SDC2: variants seen among roughly 807,000 people sequenced by gnomAD.
SDC2 encodes syndecan 2, also known as syndecan-2.
Under a neutral mutation model 22.2 loss-of-function variants are expected in SDC2, and 13 were observed. That is an observed-to-expected ratio of 0.59 (90% confidence interval 0.38 to 0.93). SDC2 has a LOEUF of 0.93. Among genes scored for constraint, SDC2 ranks in the 40% least tolerant of loss-of-function variants. SDC2 has a pLI of 0.00. For synonymous variants in SDC2, 94 were observed against 92.8 expected, an observed-to-expected ratio of 1.01 and a Z score of -0.07; for missense variants, 235 against 246.8, an observed-to-expected ratio of 0.95 and a Z score of 0.32.
Position 96,494,275 on chromosome 8 carries a change from C to CTT in SDC2, c.4_5insTT (p.Arg2LeufsTer24). On this transcript the variant is annotated frameshift_variant, in exon 1 of 5. Coordinates refer to ENST00000302190, the MANE Select transcript of SDC2 (RefSeq NM_002998.4). LOFTEE classifies it high-confidence loss of function. Reference sequence around the variant, plus strand: ...GAGCAGCCGGTCCCTGGGGAATATGCGGCGCGCGTGGATCCTGCTCACCTT... The same window carrying CTT: ...GAGCAGCCGGTCCCTGGGGAATATGCTTGGCGCGCGTGGATCCTGCTCACCTT... 6.5e-7 allele frequency: 1 copy of CTT among 1,545,218 alleles called. No individual in the cohort carries two copies. The highest frequency in any genetic ancestry group is 1.4e-5 in the African/African-American group (1 of 73,296).
At chr8:96,542,552 G>C (rs985579081) in intron 1 of SDC2, among the ~76,000 whole-genome samples, 1 of 152,010 alleles carries the variant, frequency 6.6e-6, no homozygotes, top group Non-Finnish European at 1.5e-5. Flanking sequence ...TTTTCCAGTG[G>C]TCTCAAAGAA....
chr8:96,524,571 A>C (rs1813548865), intron 1 of SDC2, among the ~76,000 whole-genome samples: 1 of 152,170 alleles, frequency 6.6e-6, no homozygotes, highest in African/African-American at 2.4e-5. Context: ...TTGTTGTTGA[A>C]GGCAGCATGA....
chr8:96,517,601 G>A (rs565329392), intron 1 of SDC2, among the ~76,000 whole-genome samples: 36 of 152,100 alleles, frequency 2.4e-4, no homozygotes, highest in South Asian at 2.1e-4. Flanking sequence ...TTCTTTCCCC[G>A]TTGAATTCTT....
At chr8:96,513,089 A>G (rs1176772606) in intron 1 of SDC2, among the ~76,000 whole-genome samples, 2 of 152,246 alleles carry the variant, frequency 1.3e-5, no homozygotes, top group Admixed American at 6.5e-5. Context: ...AAGCTTTAGA[A>G]GAAAATTCTA....
intron 1 of SDC2, among the ~76,000 whole-genome samples, chr8:96,498,255 T>G (rs1467550156): frequency 6.6e-6 from 1 of 152,156 alleles, no homozygotes; most frequent in East Asian, 1.9e-4. Flanking sequence ...TTCTTGGAGC[T>G]TGCATTCTAG....
At chr8:96,547,421 C>A (rs1813951430) in intron 1 of SDC2, among the ~76,000 whole-genome samples, 1 of 152,152 alleles carries the variant, frequency 6.6e-6, no homozygotes, top group Non-Finnish European at 1.5e-5. Flanking sequence ...AACTTGGGGA[C>A]CACCTTCGCA....
intron 1 of SDC2, among the ~76,000 whole-genome samples, chr8:96,568,323 C>T (rs1814334244): frequency 6.6e-6 from 1 of 152,174 alleles, no homozygotes; most frequent in Non-Finnish European, 1.5e-5. Flanking sequence ...TTGGTTTAAA[C>T]AAAAGTGGGG....
chr8:96,565,575 G>A (rs1465142862), intron 1 of SDC2, among the ~76,000 whole-genome samples: 1 of 152,126 alleles, frequency 6.6e-6, no homozygotes, highest in Non-Finnish European at 1.5e-5. Flanking sequence ...GGTGTTGGGA[G>A]ACAGAGAATT....
At chr8:96,593,055 T>C (rs1162470849) in intron 1 of SDC2, among the ~76,000 whole-genome samples, 1 of 152,244 alleles carries the variant, frequency 6.6e-6, no homozygotes, top group Non-Finnish European at 1.5e-5. Context: ...TAGCCTAAGC[T>C]AAGCCGTAAT....
chr8:96,607,972 G>A (rs976191677), intron 3 of SDC2, among the ~76,000 whole-genome samples: 1 of 152,142 alleles, frequency 6.6e-6, no homozygotes, highest in African/African-American at 2.4e-5. Flanking sequence ...GAGAATTGGG[G>A]CAGTGCTGTT....
chr8:96,520,553 T>C (rs1474447611), intron 1 of SDC2, among the ~76,000 whole-genome samples: 4 of 152,186 alleles, frequency 2.6e-5, no homozygotes, highest in Admixed American at 6.5e-5. Flanking sequence ...ACAGGGTGTG[T>C]GCTTATGTTT....
chr8:96,587,192 G>A (rs1814701497), intron 1 of SDC2, among the ~76,000 whole-genome samples: 1 of 152,202 alleles, frequency 6.6e-6, no homozygotes, highest in Admixed American at 6.5e-5. Flanking sequence ...CCAAAGTGCT[G>A]AGGTTATAGG....
chr8:96,534,000 C>T (rs768936427), intron 1 of SDC2, among the ~76,000 whole-genome samples: 16 of 152,290 alleles, frequency 1.1e-4, no homozygotes, highest in Admixed American at 3.3e-4. Context: ...GCAGTGCCGG[C>T]GGGCCAGCAC....
intron 1 of SDC2, among the ~76,000 whole-genome samples, chr8:96,495,608 C>T (rs1003737859): frequency 6.6e-6 from 1 of 152,184 alleles, no homozygotes; most frequent in Non-Finnish European, 1.5e-5. Flanking sequence ...ATTGAATGGT[C>T]TTTTCAAAGA....
In SDC2 at chr8:96,509,848, G is replaced by T. The variant is rs558316388; in HGVS notation, c.60+15517G>T. ...TCATCTGCTGCCTGTCACAGTCTAA[G>T]CAGTGTGGAATTGGGAAATCCTTGC... On this transcript the variant is annotated intron_variant, in intron 1 of 4. Coordinates refer to ENST00000302190, the MANE Select transcript of SDC2 (RefSeq NM_002998.4). Among the ~76,000 whole-genome samples, 5 of 152,304 alleles carry T rather than the reference G, an allele frequency of 3.3e-5. No individual in the cohort carries two copies. In the South Asian group the frequency reaches 1.0e-3, roughly 32 times the overall value.
At chr8:96,500,413 G>A (rs1027512574) in intron 1 of SDC2, among the ~76,000 whole-genome samples, 1 of 152,048 alleles carries the variant, frequency 6.6e-6, no homozygotes, top group Non-Finnish European at 1.5e-5. Context: ...TGTAATCCCA[G>A]CACTTTGGGA....
At chr8:96,560,828 G>A (rs899002389) in intron 1 of SDC2, among the ~76,000 whole-genome samples, 5 of 152,102 alleles carry the variant, frequency 3.3e-5, no homozygotes, top group Non-Finnish European at 7.3e-5. Context: ...GAGATATGCC[G>A]GGCGTGATGG....
chr8:96,532,948 G>A (rs1813690078), intron 1 of SDC2, among the ~76,000 whole-genome samples: 1 of 152,134 alleles, frequency 6.6e-6, no homozygotes, highest in Non-Finnish European at 1.5e-5. Flanking sequence ...ATCCAGAATT[G>A]GTGGGTTCTT....
At chr8:96,608,505 C>T in intron 4 of SDC2, 35 bp downstream of exon 4, 1 of 1,572,962 alleles carries the variant, frequency 6.4e-7, no homozygotes, top group Non-Finnish European at 8.6e-7. Flanking sequence ...TGGGAGGGTG[C>T]CTACATAGGC....
Sources: allele counts gnomAD v4.1 joint callset (sites outside exome capture counted in the v4.1 genomes callset), GRCh38; gene constraint gnomAD v4.1.1; transcripts MANE v1.5; gene names NCBI Gene and HGNC (gene_info 2026-07-23, HGNC 2026-07-21).